Variants in SANBR observed in about 807,000 individuals in gnomAD.
SANBR encodes SANT and BTB domain regulator of class switch recombination.
In SANBR, 77 loss-of-function variants were observed where a neutral mutation model predicts 101.8. That is an observed-to-expected ratio of 0.76 (90% CI 0.63 to 0.91). The LOEUF (loss-of-function observed/expected upper bound fraction) is 0.91, where lower values mean the gene tolerates loss of function less well. SANBR is among the 40% of genes least tolerant of loss of function. SANBR has a pLI of 0.00. For missense variants in SANBR, 875 were observed against 853.0 expected, an observed-to-expected ratio of 1.03 and a Z score of -0.32; for synonymous variants, 279 against 274.7, an observed-to-expected ratio of 1.02 and a Z score of -0.15.
At position 61,123,695 on chromosome 2, in the gene SANBR, G is replaced by A. The variant is rs1469246973; in HGVS notation, c.*1533G>A. On this transcript the variant is annotated 3_prime_UTR_variant, in exon 22 of 22. Transcript: ENST00000402291. ...AAGGAAAAAATATATATGCTCTTTT[G>A]ATTTTTAACTGATGGTAAAAAGGCA... 1 of 984,930 alleles carries A rather than the reference G, an allele frequency of 1.0e-6. No individual in the cohort carries two copies. The highest frequency in any genetic ancestry group is 1.7e-5 in the African/African-American group (1 of 57,204). The allele number at this position is 984,930 out of a possible 1,614,324, so 61.0% of individuals were successfully genotyped here.
At chr2:61,121,360 C>T in intron 21 of SANBR, 84 bp downstream of exon 21, 2 of 829,652 alleles carry the variant, frequency 2.4e-6, no homozygotes, top group Non-Finnish European at 3.9e-6. Flanking sequence ...ACACTAGAAA[C>T]ATATCATTTG....
intron 4 of SANBR, among the ~76,000 whole-genome samples, chr2:61,072,000 C>T (rs1351138675): frequency 6.6e-6 from 1 of 151,930 alleles, no homozygotes; most frequent in East Asian, 1.9e-4. Flanking sequence ...TACAGTGGCA[C>T]CATCTCAGCT....
intron 1 of SANBR, among the ~76,000 whole-genome samples, chr2:61,067,503 C>T (rs181707117): frequency 0.016 from 2,477 of 152,140 alleles, 82 homozygotes; most frequent in African/African-American, 0.057. Context: ...TTTGGGAGGC[C>T]GAGACGGGCG....
At chr2:61,109,108 C>A in intron 15 of SANBR, 89 bp from the exon 16 acceptor site, 1 of 593,882 alleles carries the variant, frequency 1.7e-6, no homozygotes, top group Non-Finnish European at 2.7e-6. Context: ...TTGACTGATT[C>A]ATTCAAAAGA....
At chr2:61,117,602 T>G in intron 19 of SANBR, 62 bp downstream of exon 19, 1 of 1,389,846 alleles carries the variant, frequency 7.2e-7, no homozygotes, top group South Asian at 1.2e-5. Flanking sequence ...TGGTGTGTGT[T>G]TCATTTTATA....
chr2:61,083,845 G>A (rs1682277572), intron 8 of SANBR, among the ~76,000 whole-genome samples: 1 of 151,602 alleles, frequency 6.6e-6, no homozygotes, highest in Non-Finnish European at 1.5e-5. Context: ...CTCCAGCCTG[G>A]GTGACAGAGC....
intron 16 of SANBR, among the ~76,000 whole-genome samples, chr2:61,112,858 T>G (rs1317378886): frequency 6.6e-6 from 1 of 152,240 alleles, no homozygotes; most frequent in Non-Finnish European, 1.5e-5. Context: ...AATTTTTTAG[T>G]TTTTCCTTTT....
intron 5 of SANBR, among the ~76,000 whole-genome samples, chr2:61,075,953 T>G (rs2104855830): frequency 6.6e-6 from 1 of 152,120 alleles, no homozygotes; most frequent in South Asian, 2.1e-4. Context: ...TGCTTAATTT[T>G]TCTTTGTGAA....
In SANBR at chr2:61,088,541, A is replaced by G. The variant is rs554927856; in HGVS notation, c.1088+73A>G. 4.8e-5 allele frequency: 47 copies of G among 978,414 alleles called. No individual in the cohort carries two copies. The African/African-American group carries it at 7.4e-4, about 15-fold the overall frequency. 60.6% of individuals were successfully genotyped at this position (978,414 alleles called of 1,614,324 possible). ...TATAGTTGTTGTTGTTGTTTTGGAGACGGAGTCTTACTCTGTCACCCAGGC... is the reference window on the plus strand; with the variant it reads ...TATAGTTGTTGTTGTTGTTTTGGAGGCGGAGTCTTACTCTGTCACCCAGGC... On this transcript the variant is annotated intron_variant, in intron 10 of 21. Coordinates refer to ENST00000402291, the MANE Select transcript of SANBR (RefSeq NM_001129993.3).
chr2:61,122,147 A>G lies in SANBR; in HGVS notation c.2142A>G (p.Gln714=). Residue 714 remains glutamine (Q), a synonymous_variant, in exon 22 of 22, where the codon CAA becomes CAG. Transcript: ENST00000402291. ...KNTRSKSRFG[Q]GRPA ...CTAGGTCTAAAAGTCGTTTTGGTCA[A>G]GGGCGTCCTGCATAAAGTACCTTAA... 4 of 1,550,578 alleles carry G rather than the reference A, an allele frequency of 2.6e-6. No homozygotes were observed. Among genetic ancestry groups the G allele is most frequent in the Non-Finnish European group, 2.6e-6 (3 of 1,146,100 alleles).
chr2:61,114,196 A>C (rs890728144), intron 16 of SANBR, among the ~76,000 whole-genome samples: 7 of 152,212 alleles, frequency 4.6e-5, no homozygotes, highest in African/African-American at 1.7e-4. Context: ...TGTCTGGCTG[A>C]GAGTCTGGGC....
downstream of SANBR, among the ~76,000 whole-genome samples, chr2:61,127,678 C>A (rs1435302136): frequency 6.6e-6 from 1 of 151,604 alleles, no homozygotes; most frequent in Non-Finnish European, 1.5e-5. Context: ...CTAAAAATAA[C>A]ATTATAAACA....
At chr2:61,083,395 T>G in intron 8 of SANBR, 81 bp downstream of exon 8, 1 of 901,546 alleles carries the variant, frequency 1.1e-6, no homozygotes, top group Non-Finnish European at 1.7e-6. Flanking sequence ...GAAATATTCT[T>G]TCTTTTTTCT....
At chr2:61,104,557 T>C (rs1227389698) in intron 13 of SANBR, among the ~76,000 whole-genome samples, 1 of 151,920 alleles carries the variant, frequency 6.6e-6, no homozygotes, top group Non-Finnish European at 1.5e-5. Context: ...TGGTGATGAA[T>C]GAGGGTTCCC....
chr2:61,093,025 C>A (rs963092358), intron 11 of SANBR, among the ~76,000 whole-genome samples: 1 of 151,590 alleles, frequency 6.6e-6, no homozygotes, highest in African/African-American at 2.4e-5. Flanking sequence ...CCCAGCTATT[C>A]GGGAGGCTGA....
chr2:61,081,311 G>T, intron 6 of SANBR, 141 bp from the exon 7 acceptor site: 1 of 736,878 alleles, frequency 1.4e-6, no homozygotes, highest in Non-Finnish European at 2.0e-6. Flanking sequence ...TTTATTTTAT[G>T]TATCTAACCC....
At chr2:61,085,969 A>C (rs1413876866) in intron 8 of SANBR, among the ~76,000 whole-genome samples, 1 of 152,112 alleles carries the variant, frequency 6.6e-6, no homozygotes, top group Non-Finnish European at 1.5e-5. Context: ...TCTCTTTCTC[A>C]CAATCACATA....
intron 16 of SANBR, 89 bp from the exon 17 acceptor site, chr2:61,115,890 T>C: frequency 1.4e-6 from 1 of 722,004 alleles, no homozygotes; most frequent in South Asian, 2.1e-5. Context: ...AAACAATGTT[T>C]TTCTTAATGG....
intron 11 of SANBR, 121 bp downstream of exon 11, chr2:61,092,708 A>C: frequency 1.3e-6 from 1 of 799,470 alleles, no homozygotes; most frequent in Non-Finnish European, 1.8e-6. Flanking sequence ...CTTTTTAAAG[A>C]AACTAGTGGC....
Sources: allele counts gnomAD v4.1 joint callset (sites outside exome capture counted in the v4.1 genomes callset), GRCh38; gene constraint gnomAD v4.1.1; transcripts MANE v1.5; gene names NCBI Gene and HGNC (gene_info 2026-07-23, HGNC 2026-07-21).